Variants in CADM2 observed in about 807,000 individuals in gnomAD.
CADM2 encodes the protein immunoglobulin superfamily member 4D.
Under a neutral mutation model 49.8 loss-of-function variants are expected in CADM2, and 12 were observed. The observed-to-expected ratio is 0.24, with a 90% CI of 0.15 to 0.39. The LOEUF (loss-of-function observed/expected upper bound fraction) is 0.39. Among genes scored for constraint, CADM2 ranks in the 10% least tolerant of loss-of-function variants. The pLI is 1.00. For synonymous variants in CADM2, 214 were observed against 175.4 expected (o/e 1.22, Z -1.74); for missense variants, 378 against 492.3 (o/e 0.77, Z 2.20).
At chr3:85,253,219 A>G (rs114692254) in intron 1 of CADM2, among the ~76,000 whole-genome samples, 4,252 of 152,192 alleles carry the variant, frequency 0.028, 188 homozygotes, top group African/African-American at 0.096. Context: ...ATCAATAGAT[A>G]TACAATAGAT....
At chr3:85,858,847 T>G (rs960269203) in intron 3 of CADM2, among the ~76,000 whole-genome samples, 1 of 152,160 alleles carries the variant, frequency 6.6e-6, no homozygotes, top group East Asian at 1.9e-4. Context: ...AAAGCTTAGC[T>G]TGGAGTGGCT....
chr3:85,738,195 A>G (rs2068226005), intron 2 of CADM2, among the ~76,000 whole-genome samples: 1 of 152,138 alleles, frequency 6.6e-6, no homozygotes, highest in South Asian at 2.1e-4. Flanking sequence ...TAGGATTGTG[A>G]TAGCAAATTC....
intron 1 of CADM2, among the ~76,000 whole-genome samples, chr3:85,490,464 A>G (rs868249903): frequency 6.6e-6 from 1 of 152,262 alleles, no homozygotes. Context: ...TACACCTATA[A>G]TACTAGCAAT....
rs1017699848 is a variant in CADM2, at chr3:86,072,724, C to T, written c.*5941C>T. The T allele has an allele frequency of 1.3e-5, 2 of 151,904 alleles. No homozygotes were observed. Among genetic ancestry groups the T allele is most frequent in the African/African-American group, 2.4e-5 (1 of 41,380 alleles). The allele number at this position is 151,904 out of a possible 1,614,324, so 9.4% of individuals were successfully genotyped here. ...ATATTTACTGATAGTGAAAATCATA[C>T]GCAATAAAATATTGATGTTTGAAGG... On this transcript the variant is annotated 3_prime_UTR_variant, in exon 10 of 10. Coordinates refer to ENST00000383699, the MANE Select transcript of CADM2 (RefSeq NM_001167675.2).
intron 1 of CADM2, among the ~76,000 whole-genome samples, chr3:85,020,672 A>G (rs1431795515): frequency 6.6e-6 from 1 of 152,136 alleles, no homozygotes; most frequent in Non-Finnish European, 1.5e-5. Context: ...ATACCGCTGT[A>G]TAACACATAT....
At chr3:84,999,669 G>A (rs1314235917) in intron 1 of CADM2, among the ~76,000 whole-genome samples, 1 of 152,174 alleles carries the variant, frequency 6.6e-6, no homozygotes, top group South Asian at 2.1e-4. Flanking sequence ...CTGAGAATGT[G>A]CATATCAGGC....
At chr3:85,443,838 T>G (rs1314555310) in intron 1 of CADM2, among the ~76,000 whole-genome samples, 1 of 152,166 alleles carries the variant, frequency 6.6e-6, no homozygotes, top group Non-Finnish European at 1.5e-5. Context: ...GTCATCTATA[T>G]GCCGGCAACA....
intron 8 of CADM2, chr3:86,014,756 C>T: frequency 6.7e-7 from 1 of 1,485,380 alleles, no homozygotes; most frequent in African/African-American, 1.4e-5. Context: ...CGCTCTCAGC[C>T]AAGCTTCACT....
chr3:85,065,662 A>C (rs188829543), intron 1 of CADM2, among the ~76,000 whole-genome samples: 179 of 152,280 alleles, frequency 1.2e-3, no homozygotes, highest in African/African-American at 4.1e-3. Flanking sequence ...ATGAATAAAG[A>C]CTGATCTTAA....
chr3:85,258,500 GA>G (rs201419422), intron 1 of CADM2, among the ~76,000 whole-genome samples: 16,482 of 143,538 alleles, frequency 0.11, 1,121 homozygotes, highest in African/African-American at 0.2. Context: ...AAAAGAGGAG[GA>G]AAAAAAAAAA....
intron 3 of CADM2, among the ~76,000 whole-genome samples, chr3:85,870,731 G>T (rs528514141): frequency 1.3e-5 from 2 of 152,058 alleles, no homozygotes; most frequent in African/African-American, 4.8e-5. Context: ...ATGTCTTTAT[G>T]GTAGAATGAT....
intron 3 of CADM2, among the ~76,000 whole-genome samples, chr3:85,875,703 A>G (rs1372644614): frequency 1.3e-5 from 2 of 152,182 alleles, no homozygotes; most frequent in South Asian, 2.1e-4. Context: ...GGAGAAAGCA[A>G]TAGGAGTAAA....
intron 1 of CADM2, among the ~76,000 whole-genome samples, chr3:85,105,248 A>T (rs1206765471): frequency 6.6e-6 from 1 of 152,182 alleles, no homozygotes; most frequent in African/African-American, 2.4e-5. Context: ...CAAATTTACA[A>T]GGAAAAAACA....
intron 1 of CADM2, among the ~76,000 whole-genome samples, chr3:85,510,866 A>G (rs1169862250): frequency 6.6e-5 from 10 of 150,804 alleles, no homozygotes; most frequent in Non-Finnish European, 1.5e-4. Context: ...GTCACAAGGC[A>G]ATCAAAAAAT....
rs572816155 is a variant in CADM2, at chr3:85,226,886, G to A, written c.61+267218G>A. Among the ~76,000 whole-genome samples, 14 of 152,004 alleles carry A rather than the reference G, an allele frequency of 9.2e-5. No homozygotes were observed. The East Asian group carries it at 2.5e-3, about 27-fold the overall frequency. ...TTTCTGCCTTCATTTCATTATTTAC[G>A]CAGTAGTCATTCAGGAGCAGGTTGT... On this transcript the variant is annotated intron_variant, in intron 1 of 9. Coordinates refer to ENST00000383699, the MANE Select transcript of CADM2 (RefSeq NM_001167675.2).
intron 1 of CADM2, among the ~76,000 whole-genome samples, chr3:85,592,449 C>A (rs371274905): frequency 1.3e-5 from 2 of 151,710 alleles, no homozygotes; most frequent in Non-Finnish European, 2.9e-5. Flanking sequence ...ATCAGTGATG[C>A]GAATAGAAGG....
chr3:85,761,103 A>G (rs980400284), intron 2 of CADM2, among the ~76,000 whole-genome samples: 2 of 152,092 alleles, frequency 1.3e-5, no homozygotes, highest in African/African-American at 4.8e-5. Context: ...AACATTTGCA[A>G]AACACTCCTG....
intron 1 of CADM2, among the ~76,000 whole-genome samples, chr3:85,232,296 G>T (rs2107815491): frequency 6.6e-6 from 1 of 152,098 alleles, no homozygotes; most frequent in Non-Finnish European, 1.5e-5. Flanking sequence ...ACATGATCTT[G>T]AGCATTTCAG....
At chr3:85,892,417 T>C (rs1435042323) in intron 5 of CADM2, among the ~76,000 whole-genome samples, 1 of 152,172 alleles carries the variant, frequency 6.6e-6, no homozygotes, top group African/African-American at 2.4e-5. Context: ...AATCTCATCT[T>C]GAATTCTAGC....
Sources: gnomAD v4.1 joint callset for allele counts (sites outside exome capture counted in the v4.1 genomes callset) on GRCh38, gnomAD v4.1.1 for gene constraint, MANE v1.5 for transcripts, NCBI Gene and HGNC (gene_info 2026-07-23, HGNC 2026-07-21) for gene names.